The following NELL2 variants were observed in gnomAD, a reference collection of about 807,000 sequenced individuals.
NELL2 encodes the protein neural EGFL like 2, also known as protein kinase C-binding protein NELL2.
Under a neutral mutation model 109.6 loss-of-function variants are expected in NELL2, and 41 were observed. That is an observed-to-expected ratio of 0.37 (90% CI 0.29 to 0.49). The LOEUF (loss-of-function observed/expected upper bound fraction) is 0.49, where lower values mean the gene tolerates loss of function less well. NELL2 is among the 20% of genes least tolerant of loss of function. NELL2 has a pLI of 0.98. For missense variants in NELL2, 900 were observed against 1,008.3 expected (o/e 0.89, Z 1.45); for synonymous variants, 355 against 344.7 (o/e 1.03, Z -0.33).
At chr12:44,553,264 T>TATAACA (rs1555175093) in intron 15 of NELL2, among the ~76,000 whole-genome samples, 2 of 63,964 alleles carry the variant, frequency 3.1e-5, no homozygotes, top group Non-Finnish European at 7.1e-5. Context: ...AAACTTAAAG[T>TATAACA]ATAATAATAA....
rs947403841 is a variant in NELL2, at chr12:44,741,500, C to A, written c.995-26759G>T. ...GCACCGGGCGTGAGCCAAAGCAGGG[C>A]GAGGCATCGCCTCACCCGGGAAGTG... On this transcript the variant is annotated intron_variant, in intron 9 of 19. Transcript: ENST00000429094. Among the ~76,000 whole-genome samples, 6 of 152,180 alleles carry A rather than the reference C, an allele frequency of 3.9e-5. No individual in the cohort carries two copies. The East Asian group carries it at 9.7e-4, about 25-fold the overall frequency.
At chr12:44,681,314 T>TA in intron 12 of NELL2, among the ~76,000 whole-genome samples, 1 of 150,650 alleles carries the variant, frequency 6.6e-6, no homozygotes, top group Non-Finnish European at 1.5e-5. Context: ...GTATACGTTT[T>TA]AATCATGAGC....
chr12:44,781,332 C>T (rs1310148126), intron 3 of NELL2, among the ~76,000 whole-genome samples: 2 of 151,514 alleles, frequency 1.3e-5, no homozygotes, highest in African/African-American at 4.8e-5. Flanking sequence ...GAAAAAAAAG[C>T]ATCCAATGTG....
rs539092861 is a variant in NELL2, at chr12:44,881,348, T to A, written c.39-5448A>T. On this transcript the variant is annotated intron_variant, in intron 1 of 20. Transcript: ENST00000333837. ...CTGGAAAAGATTAAAGAAACTATTA[T>A]AAAAATGCTCTAACAAATAAACACA... 1.3e-4 allele frequency among the ~76,000 whole-genome samples: 19 copies of A among 151,952 alleles called. 1 individual carries two copies. Among genetic ancestry groups the A allele is most frequent in the African/African-American group, 4.6e-4 (19 of 41,340 alleles).
intron 2 of NELL2, among the ~76,000 whole-genome samples, chr12:44,844,760 A>C (rs952984526): frequency 2.0e-5 from 3 of 152,198 alleles, no homozygotes; most frequent in Non-Finnish European, 4.4e-5. Context: ...CAAAATCCTA[A>C]ATAAATCACT....
At position 44,693,613 on chromosome 12, in the gene NELL2, T is replaced by C. The variant is rs1320275938; in HGVS notation, c.1318+10113A>G. Among the ~76,000 whole-genome samples, 3 of 152,208 alleles carry C rather than the reference T, an allele frequency of 2.0e-5. 1 individual carries two copies. The highest frequency in any genetic ancestry group is 4.1e-4 in the South Asian group (2 of 4,830). ...GAGACCTTTGCTTCAAATTTTAAAA[T>C]GTCCTTTTCTCTTATTTGAATGTCT... On this transcript the variant is annotated intron_variant, in intron 12 of 19. Coordinates refer to ENST00000429094, the MANE Select transcript of NELL2 (RefSeq NM_001145108.2).
At chr12:44,770,294 C>T (rs977884748) in intron 9 of NELL2, among the ~76,000 whole-genome samples, 1 of 152,128 alleles carries the variant, frequency 6.6e-6, no homozygotes, top group Non-Finnish European at 1.5e-5. Context: ...AAGCACTTTA[C>T]ATTTATTACC....
At chr12:44,795,046 G>A (rs1300088933) in intron 3 of NELL2, among the ~76,000 whole-genome samples, 1 of 152,122 alleles carries the variant, frequency 6.6e-6, no homozygotes, top group African/African-American at 2.4e-5. Flanking sequence ...CCGAGAAATA[G>A]GCAACGGTGG....
chr12:44,542,227 C>T (rs1942604916), intron 15 of NELL2, among the ~76,000 whole-genome samples: 1 of 151,786 alleles, frequency 6.6e-6, no homozygotes, highest in South Asian at 2.1e-4. Flanking sequence ...ACTTTCTTCA[C>T]TTTGCAAGGA....
At chr12:44,820,501 C>A (rs1053822534) in intron 2 of NELL2, among the ~76,000 whole-genome samples, 1 of 150,566 alleles carries the variant, frequency 6.6e-6, no homozygotes. Context: ...CCCAGCTACT[C>A]GGGAGGCTGA....
At chr12:44,691,843 G>C (rs1168559528) in intron 12 of NELL2, among the ~76,000 whole-genome samples, 2 of 152,156 alleles carry the variant, frequency 1.3e-5, no homozygotes, top group African/African-American at 4.8e-5. Context: ...GGCTGAGAGA[G>C]GTGATGAAGC....
rs71435985 is a variant in NELL2 at position 44,729,564 on chromosome 12, TA to T, written c.995-14824del. Among the ~76,000 whole-genome samples the T allele has an allele frequency of 1.4e-3, 88 of 62,172 alleles. 1 individual carries two copies. The highest frequency in any genetic ancestry group is 6.6e-3 in the South Asian group (13 of 1,984). The allele number at this position is 62,172 out of a possible 152,430, so 40.8% of individuals were successfully genotyped here. ...AAAGACAGAGAACAGCTGAATGAAT[TA>T]AAAAAAAAAAAAACCAAGAGCCAAT... On this transcript the variant is annotated intron_variant, in intron 9 of 19. Transcript: ENST00000429094.
chr12:44,575,377 T>C (rs1014248513), intron 15 of NELL2, among the ~76,000 whole-genome samples: 1 of 152,248 alleles, frequency 6.6e-6, no homozygotes, highest in Non-Finnish European at 1.5e-5. Context: ...TACAAACTCC[T>C]GGCAGCTTTG....
At chr12:44,512,649 A>C (rs910849447) in intron 19 of NELL2, among the ~76,000 whole-genome samples, 3 of 152,144 alleles carry the variant, frequency 2.0e-5, no homozygotes, top group Admixed American at 2.0e-4. Flanking sequence ...ACATAAGAAG[A>C]ATGAAATCTT....
At chr12:44,769,309 T>A (rs1182880822) in intron 9 of NELL2, among the ~76,000 whole-genome samples, 2 of 152,166 alleles carry the variant, frequency 1.3e-5, no homozygotes, top group African/African-American at 4.8e-5. Context: ...TTACTTTTTA[T>A]TATTTAATAT....
At position 44,800,092 on chromosome 12, in the gene NELL2, C is replaced by T. The variant is rs144141542; in HGVS notation, c.335+15894G>A. ...ACATTAATTCCACAAAGGAATAACA[C>T]GCTTATTGAGGAATCATTAATTACT... On this transcript the variant is annotated intron_variant, in intron 3 of 19. Coordinates refer to ENST00000429094, the MANE Select transcript of NELL2 (RefSeq NM_001145108.2). 5.7e-3 allele frequency among the ~76,000 whole-genome samples: 869 copies of T among 152,040 alleles called. 6 individuals are homozygous for T. Among genetic ancestry groups the T allele is most frequent in the African/African-American group, 0.019 (768 of 41,400 alleles).
At chr12:44,543,367 C>T (rs551353680) in intron 15 of NELL2, among the ~76,000 whole-genome samples, 62 of 152,152 alleles carry the variant, frequency 4.1e-4, no homozygotes, top group Non-Finnish European at 1.9e-4. Flanking sequence ...TTGATACTTA[C>T]CACTCCAGTC....
At chr12:44,916,352 T>C (rs1024216929), upstream of NELL2, among the ~76,000 whole-genome samples, 1 of 151,680 alleles carries the variant, frequency 6.6e-6, no homozygotes, top group African/African-American at 2.4e-5. Flanking sequence ...GGAAGTGAAA[T>C]AGAAAATCAG....
intron 9 of NELL2, among the ~76,000 whole-genome samples, chr12:44,754,330 T>G (rs1257393360): frequency 1.3e-5 from 2 of 152,226 alleles, no homozygotes; most frequent in African/African-American, 4.8e-5. Flanking sequence ...TTCAAACATT[T>G]ACTCTATGGA....
Sources: allele counts gnomAD v4.1 joint callset (sites outside exome capture counted in the v4.1 genomes callset), GRCh38; gene constraint gnomAD v4.1.1; transcripts MANE v1.5; gene names NCBI Gene and HGNC (gene_info 2026-07-23, HGNC 2026-07-21).